Variants in PMPCB observed in about 807,000 individuals in gnomAD.
PMPCB encodes mitochondrial-processing peptidase subunit beta.
PMPCB carries 46 observed loss-of-function variants against 61.5 expected under a neutral mutation model. That is an observed-to-expected ratio of 0.75 (90% CI 0.59 to 0.96). The LOEUF (loss-of-function observed/expected upper bound fraction) is 0.96. Ranked by LOEUF, PMPCB falls within the 40% of genes least tolerant of loss-of-function variation. The pLI is 0.00. For synonymous variants in PMPCB, 191 were observed against 201.6 expected (o/e 0.95, Z 0.44); for missense variants, 590 against 602.4 (o/e 0.98, Z 0.22).
downstream of PMPCB, chr7:103,316,758 C>T: frequency 8.0e-7 from 1 of 1,242,638 alleles, no homozygotes; most frequent in Non-Finnish European, 1.1e-6. Flanking sequence ...ACAAGTGCTG[C>T]TATTTGGAGT....
chr7:103,329,891 C>T (rs1818894795), downstream of PMPCB, among the ~76,000 whole-genome samples: 1 of 152,084 alleles, frequency 6.6e-6, no homozygotes, highest in African/African-American at 2.4e-5. Flanking sequence ...ATATTTATTT[C>T]CTTCTTTCCA....
At position 103,321,334 on chromosome 7, in the gene PMPCB, C is replaced by G. The variant is rs558070621; in HGVS notation, c.*1432-7597C>G. On this transcript the variant is annotated intron_variant and NMD_transcript_variant, in intron 12 of 12. Transcript: ENST00000444457. ...GAGTTCAAGACCAGCCTGGCCAACA[C>G]AGTGAAACTCTGTCTCAACTAAAAA... Among the ~76,000 whole-genome samples, 4 of 151,954 alleles carry G rather than the reference C, an allele frequency of 2.6e-5. No individual in the cohort carries two copies. In the East Asian group the frequency reaches 7.8e-4, roughly 30 times the overall value.
chr7:103,311,751 T>C (rs374964654), intron 10 of PMPCB, 23 bp downstream of exon 10: 2 of 1,603,836 alleles, frequency 1.2e-6, no homozygotes, highest in African/African-American at 2.7e-5. Context: ...ATATAGGTTC[T>C]GTTTTCATAT....
At chr7:103,308,885 C>T in intron 7 of PMPCB, 67 bp from the exon 8 acceptor site, 1 of 1,303,140 alleles carries the variant, frequency 7.7e-7, no homozygotes, top group Non-Finnish European at 1.0e-6. Flanking sequence ...GTGATTTTTT[C>T]CTTGTTAATA....
At chr7:103,323,131 T>C (rs1159916749) in intron 12 of PMPCB, among the ~76,000 whole-genome samples, 3 of 152,178 alleles carry the variant, frequency 2.0e-5, no homozygotes, top group Non-Finnish European at 4.4e-5. Context: ...GGTTTCGCCA[T>C]GTTGGCCAGG....
At chr7:103,346,815 ATAATGTG>A in the PMPCB span, among the ~76,000 whole-genome samples, 1 of 108,190 alleles carries the variant, frequency 9.2e-6, no homozygotes, top group South Asian at 3.7e-4. Context: ...TTAAGGCTGA[ATAATGTG>A]TGTGTGTGTG....
the PMPCB span, among the ~76,000 whole-genome samples, chr7:103,341,200 T>C: frequency 6.6e-6 from 1 of 152,196 alleles, no homozygotes; most frequent in African/African-American, 2.4e-5. Flanking sequence ...TCCCCTCCAG[T>C]CCCTTGCCCC....
At position 103,312,409 on chromosome 7, in the gene PMPCB, C is replaced by G; in HGVS notation, c.*138C>G. 1 of 1,508,904 alleles carries G rather than the reference C, an allele frequency of 6.6e-7. No individual in the cohort carries two copies. Among genetic ancestry groups the G allele is most frequent in the Non-Finnish European group, 8.8e-7 (1 of 1,138,302 alleles). The allele number at this position is 1,508,904 out of a possible 1,614,324, so 93.5% of individuals were successfully genotyped here. On this transcript the variant is annotated 3_prime_UTR_variant, in exon 13 of 13. Transcript: ENST00000249269. ...CTTTCAAAGGATAAAAAGACTACCC[C>G]TCTGAAGGTTGTTTTGTATTAATGG...
the PMPCB span, chr7:103,341,834 TC>T: frequency 1.2e-6 from 2 of 1,612,104 alleles, no homozygotes; most frequent in Non-Finnish European, 1.7e-6. Context: ...ATCTTCTGAT[TC>T]CTCGGATAAC....
the PMPCB span, chr7:103,336,698 G>T: frequency 1.3e-5 from 2 of 152,202 alleles, no homozygotes; most frequent in African/African-American, 4.8e-5. Flanking sequence ...CGTGGCAAAT[G>T]GACTTTTCTG....
intron 6 of PMPCB, among the ~76,000 whole-genome samples, chr7:103,305,148 T>C (rs1346561566): frequency 1.3e-5 from 2 of 152,214 alleles, no homozygotes; most frequent in Admixed American, 1.3e-4. Flanking sequence ...TTCGTCCTTG[T>C]TCAAGCATGG....
intron 12 of PMPCB, chr7:103,319,910 C>T: frequency 6.5e-7 from 1 of 1,542,028 alleles, no homozygotes; most frequent in Non-Finnish European, 8.9e-7. Context: ...AATTACAAAG[C>T]TGTAATCCCA....
chr7:103,315,920 T>G, downstream of PMPCB: 1 of 1,535,460 alleles, frequency 6.5e-7, no homozygotes, highest in Non-Finnish European at 8.9e-7. Context: ...ATTTAATCTT[T>G]CATTAAATTG....
At chr7:103,315,834 A>T (rs1478592317), downstream of PMPCB, 6 of 1,613,758 alleles carry the variant, frequency 3.7e-6, no homozygotes, top group Non-Finnish European at 5.1e-6. Flanking sequence ...TGAACTTATC[A>T]AATGCCTTTT....
At chr7:103,326,809 AGGTT>A (rs1250999249) in intron 12 of PMPCB, 1 of 915,958 alleles carries the variant, frequency 1.1e-6, no homozygotes, top group African/African-American at 1.7e-5. Flanking sequence ...TTTTGTTTGC[AGGTT>A]GGGGAGGATT....
At chr7:103,321,335 A>C (rs998262745) in intron 12 of PMPCB, among the ~76,000 whole-genome samples, 6 of 151,936 alleles carry the variant, frequency 3.9e-5, no homozygotes, top group African/African-American at 1.2e-4. Context: ...TGGCCAACAC[A>C]GTGAAACTCT....
downstream of PMPCB, among the ~76,000 whole-genome samples, chr7:103,315,415 TAAG>T (rs962665475): frequency 2.6e-5 from 4 of 152,178 alleles, no homozygotes; most frequent in Non-Finnish European, 4.4e-5. Context: ...TCCTTAAACA[TAAG>T]GACATTTTCT....
the PMPCB span, among the ~76,000 whole-genome samples, chr7:103,340,344 T>A: frequency 6.6e-6 from 1 of 152,194 alleles, no homozygotes; most frequent in African/African-American, 2.4e-5. Context: ...TTAAAATGGA[T>A]GAGGTGGTGG....
intron 8 of PMPCB, 151 bp downstream of exon 8, chr7:103,309,246 T>G: frequency 3.4e-6 from 2 of 586,374 alleles, no homozygotes; most frequent in Non-Finnish European, 5.2e-6. Context: ...GATCCTGGAT[T>G]GCATGTGGGC....
Sources: allele counts gnomAD v4.1 joint callset (sites outside exome capture counted in the v4.1 genomes callset), GRCh38; gene constraint gnomAD v4.1.1; transcripts MANE v1.5; gene names NCBI Gene and HGNC (gene_info 2026-07-23, HGNC 2026-07-21).